Variants in SLC12A2 observed in about 807,000 individuals in gnomAD.
SLC12A2 encodes solute carrier family 12 member 2, also known as Na-K-2Cl cotransporter 1.
Under a neutral mutation model 136.3 loss-of-function variants are expected in SLC12A2, and 67 were observed. The observed-to-expected ratio is 0.49, with a 90% confidence interval of 0.40 to 0.60. SLC12A2 has a LOEUF of 0.60. Among genes scored for constraint, SLC12A2 ranks in the 20% least tolerant of loss-of-function variants. The pLI, the probability that SLC12A2 is intolerant of heterozygous loss-of-function variation, is 0.00. For synonymous variants in SLC12A2, 619 were observed against 562.9 expected, an observed-to-expected ratio of 1.10 and a Z score of -1.41; for missense variants, 1,322 against 1,534.7, an observed-to-expected ratio of 0.86 and a Z score of 2.32.
intron 11 of SLC12A2, among the ~76,000 whole-genome samples, chr5:128,148,134 G>A (rs969652791): frequency 3.2e-4 from 49 of 151,662 alleles, no homozygotes; most frequent in African/African-American, 1.0e-3. Flanking sequence ...AACACCTAAC[G>A]TGATATACAC....
intron 1 of SLC12A2, among the ~76,000 whole-genome samples, chr5:128,111,415 A>G (rs1372659423): frequency 1.3e-5 from 2 of 152,214 alleles, no homozygotes; most frequent in East Asian, 1.9e-4. Flanking sequence ...TTTGATTATC[A>G]TGTAGATTTT....
At position 128,180,875 on chromosome 5, in the gene SLC12A2, T is replaced by C; in HGVS notation, c.3101-8T>C. On this transcript the variant is annotated splice_region_variant and splice_polypyrimidine_tract_variant and intron_variant, in intron 22 of 26. Transcript: ENST00000262461. Reference sequence around the variant, plus strand: ...TAGTAAATGATTTATTACATTTTTATAATTCAGGTTTGACCTTATTGATAC... The same window carrying C: ...TAGTAAATGATTTATTACATTTTTACAATTCAGGTTTGACCTTATTGATAC... 1 of 1,463,496 alleles carries C rather than the reference T, an allele frequency of 6.8e-7. No homozygotes were observed. Among genetic ancestry groups the C allele is most frequent in the Non-Finnish European group, 9.5e-7 (1 of 1,054,332 alleles). The allele number at this position is 1,463,496 out of a possible 1,614,324, so 90.7% of individuals were successfully genotyped here. A position where few individuals can be genotyped will look rare whatever the true frequency, so the allele number is the denominator to read the frequency against.
intron 2 of SLC12A2, 146 bp from the exon 3 acceptor site, chr5:128,114,062 TAAAG>T (rs955417526): frequency 2.9e-5 from 18 of 612,452 alleles, no homozygotes; most frequent in East Asian, 1.1e-4. Context: ...TAAAAACTGT[TAAAG>T]AAAAGGGTGG....
At chr5:128,159,977 T>A (rs1762988250) in intron 16 of SLC12A2, among the ~76,000 whole-genome samples, 1 of 152,076 alleles carries the variant, frequency 6.6e-6, no homozygotes, top group Non-Finnish European at 1.5e-5. Context: ...AGCAAAGACT[T>A]GGAACCAACC....
rs1242093560 is a variant in SLC12A2 at position 128,148,758 on chromosome 5, T to A, written c.1886T>A (p.Leu629Gln). The A allele has an allele frequency of 6.3e-7, 1 of 1,587,036 alleles. No homozygotes were observed. The highest frequency in any genetic ancestry group is 2.2e-5 in the East Asian group (1 of 44,466). ...LVSAPKIFQA[L>Q]CKDNIYPAFQ... The stretch of plus-strand genomic sequence containing the variant: ...TTTAATGTTTTCTTTCATTAGGCTC[T>A]ATGTAAGGACAACATCTACCCAGCT... Residue 629 changes from leucine to glutamine, a missense_variant, in exon 12 of 27, where the codon CTA (leucine) becomes CAA (glutamine). Coordinates refer to ENST00000262461, the MANE Select transcript of SLC12A2 (RefSeq NM_001046.3).
chr5:128,133,006 T>C (rs1343751464), intron 5 of SLC12A2, among the ~76,000 whole-genome samples: 1 of 152,138 alleles, frequency 6.6e-6, no homozygotes, highest in African/African-American at 2.4e-5. Context: ...AGTAGTCTTC[T>C]ATTACAATCA....
At chr5:128,095,934 C>G (rs1043505522) in intron 1 of SLC12A2, among the ~76,000 whole-genome samples, 6 of 152,094 alleles carry the variant, frequency 3.9e-5, no homozygotes. Flanking sequence ...TGCTGATTCT[C>G]AATTTTGAAA....
intron 1 of SLC12A2, among the ~76,000 whole-genome samples, chr5:128,093,451 G>T (rs1760412378): frequency 6.6e-6 from 1 of 151,976 alleles, no homozygotes; most frequent in South Asian, 2.1e-4. Flanking sequence ...TGACATTTTT[G>T]TTTTATGTCT....
intron 24 of SLC12A2, among the ~76,000 whole-genome samples, chr5:128,183,986 A>G (rs1763790308): frequency 1.3e-5 from 2 of 151,940 alleles, no homozygotes; most frequent in African/African-American, 4.8e-5. Flanking sequence ...TTTTTTTTAA[A>G]TTTTGGAATA....
chr5:128,112,542 C>T (rs1017351329), intron 1 of SLC12A2, among the ~76,000 whole-genome samples: 4 of 152,158 alleles, frequency 2.6e-5, no homozygotes, highest in African/African-American at 9.7e-5. Flanking sequence ...TTCCTCCAGA[C>T]ACTACCAAAA....
intron 1 of SLC12A2, 142 bp from the exon 2 acceptor site, chr5:128,112,672 A>C (rs567898289): frequency 1.9e-6 from 1 of 536,854 alleles, no homozygotes; most frequent in South Asian, 3.4e-5. Context: ...TCCTGGGGTA[A>C]AATATTTGGA....
intron 18 of SLC12A2, chr5:128,168,415 C>G (rs955843675): frequency 2.0e-5 from 3 of 152,114 alleles, no homozygotes; most frequent in South Asian, 2.1e-4. Flanking sequence ...CTGTAACTTC[C>G]GTTTTTTGCG....
chr5:128,107,098 CT>C (rs1760966666), intron 1 of SLC12A2, among the ~76,000 whole-genome samples: 1 of 152,020 alleles, frequency 6.6e-6, no homozygotes. Context: ...CTTGTTCTGG[CT>C]TTATTTGAAT....
chr5:128,131,333 A>G (rs1453032534), intron 5 of SLC12A2, 127 bp downstream of exon 5: 7 of 949,172 alleles, frequency 7.4e-6, no homozygotes, highest in African/African-American at 1.6e-5. Context: ...CATAAAGTTT[A>G]CTACAGGAGA....
chr5:128,103,285 A>G (rs904485354), intron 1 of SLC12A2, among the ~76,000 whole-genome samples: 8 of 152,190 alleles, frequency 5.3e-5, no homozygotes, highest in African/African-American at 1.9e-4. Context: ...TGGAGTGGAT[A>G]ATATCCCCAT....
chr5:128,154,599 G>A (rs1762815744), intron 15 of SLC12A2, among the ~76,000 whole-genome samples: 2 of 152,064 alleles, frequency 1.3e-5, no homozygotes, highest in African/African-American at 4.8e-5. Context: ...TAAATAGCAT[G>A]CTTGTCTTGC....
chr5:128,134,352 T>A, intron 6 of SLC12A2, 77 bp downstream of exon 6: 1 of 771,464 alleles, frequency 1.3e-6, no homozygotes, highest in Non-Finnish European at 2.3e-6. Context: ...CACTCTGAAG[T>A]ATGGTAATAT....
At chr5:128,105,963 T>G (rs2126659957) in intron 1 of SLC12A2, among the ~76,000 whole-genome samples, 1 of 152,296 alleles carries the variant, frequency 6.6e-6, no homozygotes, top group South Asian at 2.1e-4. Context: ...AGATTCAACA[T>G]GTTCAACTGA....
chr5:128,107,517 C>T (rs1760986244), intron 1 of SLC12A2, among the ~76,000 whole-genome samples: 1 of 152,122 alleles, frequency 6.6e-6, no homozygotes, highest in Non-Finnish European at 1.5e-5. Context: ...TGTTCAGCTC[C>T]CACTTATGAG....
Sources: allele counts gnomAD v4.1 joint callset (sites outside exome capture counted in the v4.1 genomes callset), GRCh38; gene constraint gnomAD v4.1.1; transcripts MANE v1.5; gene names NCBI Gene and HGNC (gene_info 2026-07-23, HGNC 2026-07-21).